The following PIK3C2G variants were observed in gnomAD, a reference collection of about 807,000 sequenced individuals.
The protein encoded by PIK3C2G is phosphatidylinositol-4-phosphate 3-kinase catalytic subunit type 2 gamma.
Under a neutral mutation model 181.1 loss-of-function variants are expected in PIK3C2G, and 168 were observed. The ratio of observed to expected loss-of-function variants is 0.93; its 90% CI spans 0.82 to 1.05. The LOEUF is 1.05. Ranked by LOEUF, PIK3C2G falls within the 50% of genes least tolerant of loss-of-function variation. The pLI, the probability that PIK3C2G is intolerant of heterozygous loss-of-function variation, is 0.00. For missense variants in PIK3C2G, 1,869 were observed against 1,732.8 expected, an observed-to-expected ratio of 1.08 and a Z score of -1.40; for synonymous variants, 573 against 592.2, an observed-to-expected ratio of 0.97 and a Z score of 0.47.
the PIK3C2G span, chr12:18,723,219 C>T: frequency 7.8e-6 from 9 of 1,147,392 alleles, no homozygotes; most frequent in Non-Finnish European, 8.7e-6. Context: ...AACCACAATT[C>T]ATAAAAATAC....
intron 18 of PIK3C2G, among the ~76,000 whole-genome samples, chr12:18,463,784 A>G (rs3983626): frequency 1 from 152,043 of 152,270 alleles, 75,908 homozygotes; most frequent in Non-Finnish European, 1. Flanking sequence ...GGCCAGAGAG[A>G]CTTGAAGAGC....
chr12:18,652,120 G>T (rs1209139499), downstream of PIK3C2G, among the ~76,000 whole-genome samples: 1 of 152,038 alleles, frequency 6.6e-6, no homozygotes, highest in Non-Finnish European at 1.5e-5. Flanking sequence ...AAATTGATAG[G>T]TTGAAGTCCT....
At chr12:18,660,571 G>A in the PIK3C2G span, among the ~76,000 whole-genome samples, 60,170 of 151,956 alleles carry the variant, frequency 0.4, 14,065 homozygotes, top group South Asian at 0.59. Context: ...GTGCATGCCC[G>A]GAGAAAGGTA....
chr12:18,608,221 G>T (rs2136585616), intron 30 of PIK3C2G, among the ~76,000 whole-genome samples: 1 of 152,142 alleles, frequency 6.6e-6, no homozygotes, highest in Non-Finnish European at 1.5e-5. Flanking sequence ...ATACCCAAAG[G>T]ATTATAAATC....
At chr12:18,580,300 C>T (rs1565528683) in intron 29 of PIK3C2G, among the ~76,000 whole-genome samples, 1 of 152,126 alleles carries the variant, frequency 6.6e-6, no homozygotes, top group Non-Finnish European at 1.5e-5. Context: ...AGCTTTAGCT[C>T]TTCTCAGTAC....
intron 11 of PIK3C2G, among the ~76,000 whole-genome samples, chr12:18,347,345 A>G (rs4625530): frequency 0.12 from 17,675 of 152,228 alleles, 1,385 homozygotes; most frequent in Admixed American, 0.25. Flanking sequence ...CGACAATTAC[A>G]CATGGAATAT....
chr12:18,264,076 T>C (rs972398627), intron 1 of PIK3C2G, among the ~76,000 whole-genome samples: 18 of 152,302 alleles, frequency 1.2e-4, no homozygotes, highest in African/African-American at 4.1e-4. Context: ...GTTGTTTTCA[T>C]TCTTTGCTTC....
the PIK3C2G span, chr12:18,701,854 A>T: frequency 6.5e-7 from 1 of 1,528,344 alleles, no homozygotes; most frequent in Non-Finnish European, 8.8e-7. Context: ...AAAGTGTTTC[A>T]CTATATTTCC....
intron 17 of PIK3C2G, among the ~76,000 whole-genome samples, chr12:18,421,660 G>C (rs191002239): frequency 1.3e-5 from 2 of 152,056 alleles, no homozygotes; most frequent in African/African-American, 4.8e-5. Flanking sequence ...ATATAGAATA[G>C]AAGGTAAGTT....
the PIK3C2G span, among the ~76,000 whole-genome samples, chr12:18,703,664 A>G: frequency 6.6e-6 from 1 of 152,104 alleles, no homozygotes; most frequent in Non-Finnish European, 1.5e-5. Context: ...CTGTATGTTA[A>G]CCCTTGTGTG....
At chr12:18,417,614 T>G (rs1333987224) in intron 16 of PIK3C2G, among the ~76,000 whole-genome samples, 1 of 152,188 alleles carries the variant, frequency 6.6e-6, no homozygotes, top group East Asian at 1.9e-4. Context: ...TGCTGAAGGC[T>G]TAGTTTATTG....
At chr12:18,353,510 T>G (rs571554830) in intron 11 of PIK3C2G, among the ~76,000 whole-genome samples, 5 of 152,320 alleles carry the variant, frequency 3.3e-5, no homozygotes, top group African/African-American at 1.2e-4. Flanking sequence ...ATAAGAGAGA[T>G]AAGTATTCTT....
At chr12:18,273,334 C>T (rs1948826686) in intron 1 of PIK3C2G, among the ~76,000 whole-genome samples, 1 of 151,994 alleles carries the variant, frequency 6.6e-6, no homozygotes, top group Admixed American at 6.6e-5. Context: ...TGGTCTATAT[C>T]TCTGTTTTGG....
At chr12:18,439,662 C>G (rs1565724429) in intron 18 of PIK3C2G, among the ~76,000 whole-genome samples, 3 of 151,996 alleles carry the variant, frequency 2.0e-5, no homozygotes, top group Non-Finnish European at 4.4e-5. Context: ...AATCAATACC[C>G]TTTCTTTATC....
At chr12:18,488,394 T>G in intron 18 of PIK3C2G, 55 bp from the exon 19 acceptor site, 1 of 1,258,780 alleles carries the variant, frequency 7.9e-7, no homozygotes, top group Non-Finnish European at 1.1e-6. Flanking sequence ...CGGCTGGATG[T>G]GGTTTAAAAA....
intron 30 of PIK3C2G, among the ~76,000 whole-genome samples, chr12:18,606,754 A>G (rs1313390009): frequency 6.6e-6 from 1 of 152,052 alleles, no homozygotes; most frequent in African/African-American, 2.4e-5. Flanking sequence ...GACCATTGAC[A>G]AATTCTTTGT....
chr12:18,705,175 T>A, the PIK3C2G span: 387 of 1,613,890 alleles, frequency 2.4e-4, no homozygotes, highest in Non-Finnish European at 3.2e-4. Flanking sequence ...CCTCTGGTGA[T>A]GGTAGAGTAT....
intron 31 of PIK3C2G, among the ~76,000 whole-genome samples, chr12:18,624,744 A>T (rs991032849): frequency 1.5e-4 from 23 of 151,436 alleles, no homozygotes; most frequent in African/African-American, 5.3e-4. Flanking sequence ...CAGATTTTCT[A>T]TTTCTTCATG....
chr12:18,392,178 G>A (rs1943579315), intron 15 of PIK3C2G, among the ~76,000 whole-genome samples: 1 of 152,112 alleles, frequency 6.6e-6, no homozygotes, highest in South Asian at 2.1e-4. Flanking sequence ...TATTTTGGCA[G>A]TTGAGAAGAC....
Sources: allele counts gnomAD v4.1 joint callset (sites outside exome capture counted in the v4.1 genomes callset), GRCh38; gene constraint gnomAD v4.1.1; transcripts MANE v1.5; gene names NCBI Gene and HGNC (gene_info 2026-07-23, HGNC 2026-07-21).